CLNK: variants seen among roughly 807,000 people sequenced by gnomAD.
CLNK encodes cytokine dependent hematopoietic cell linker, also known as cytokine-dependent hematopoietic cell linker.
In CLNK, 74 loss-of-function variants were observed where a neutral mutation model predicts 68.6. That is an observed-to-expected ratio of 1.08 (90% confidence interval 0.89 to 1.31). CLNK has a LOEUF of 1.31. Ranked by LOEUF, CLNK falls within the 50% of genes most tolerant of loss-of-function variation. CLNK has a pLI of 0.00. For missense variants in CLNK, 553 were observed against 515.3 expected (o/e 1.07, Z -0.71); for synonymous variants, 198 against 172.2 (o/e 1.15, Z -1.17).
At chr4:10,564,525 A>T (rs188180886) in intron 7 of CLNK, 146 bp downstream of exon 7, 1 of 634,630 alleles carries the variant, frequency 1.6e-6, no homozygotes, top group South Asian at 1.9e-5. Flanking sequence ...CCTACCAGTC[A>T]TAAGAGTCAC....
At chr4:10,719,461 G>C in the CLNK span, among the ~76,000 whole-genome samples, 2 of 151,954 alleles carry the variant, frequency 1.3e-5, no homozygotes, top group African/African-American at 4.8e-5. Context: ...AATTACCAGA[G>C]ATAGAGAGGA....
chr4:10,687,845 A>G (rs1725322788), upstream of CLNK, among the ~76,000 whole-genome samples: 1 of 152,110 alleles, frequency 6.6e-6, no homozygotes, highest in Non-Finnish European at 1.5e-5. Context: ...TCATTGCTTC[A>G]CGAGTTCTTG....
At chr4:10,528,666 T>C (rs553588595) in intron 12 of CLNK, among the ~76,000 whole-genome samples, 1 of 152,320 alleles carries the variant, frequency 6.6e-6, no homozygotes, top group Non-Finnish European at 1.5e-5. Flanking sequence ...AAGTTTGGAA[T>C]AAAAACTGGA....
At chr4:10,729,998 A>C in the CLNK span, among the ~76,000 whole-genome samples, 65 of 152,366 alleles carry the variant, frequency 4.3e-4, no homozygotes, top group Middle Eastern at 0.01. Context: ...ATTTATATGA[A>C]TCAAACCTCT....
intron 2 of CLNK, among the ~76,000 whole-genome samples, chr4:10,652,962 C>T (rs1004591797): frequency 6.6e-6 from 1 of 152,130 alleles, no homozygotes; most frequent in Non-Finnish European, 1.5e-5. Context: ...CAATGATAGA[C>T]TGGATAACGA....
chr4:10,641,355 G>C (rs1560257648), intron 2 of CLNK, among the ~76,000 whole-genome samples: 2 of 152,166 alleles, frequency 1.3e-5, no homozygotes, highest in African/African-American at 4.8e-5. Context: ...CCATCATTGG[G>C]GTTTCTAATA....
chr4:10,731,969 G>A, the CLNK span, among the ~76,000 whole-genome samples: 4 of 152,124 alleles, frequency 2.6e-5, no homozygotes, highest in African/African-American at 9.7e-5. Flanking sequence ...AGTGTTTGCT[G>A]ATTTTCATGT....
chr4:10,494,552 G>A (rs990636782), intron 18 of CLNK, among the ~76,000 whole-genome samples: 2 of 151,110 alleles, frequency 1.3e-5, no homozygotes, highest in African/African-American at 2.4e-5. Flanking sequence ...CTGCCTCCTA[G>A]ATTCAAGCAA....
Position 10,676,992 on chromosome 4 carries a change from T to TG in CLNK, c.-43+7675_-43+7676insC, listed in dbSNP as rs538982186. ...CTGTCTCGCCCCTATTTTTTTTTTT[T>TG]TTGGCTTCCATAAATGATGGCAGAA... is the stretch of plus-strand genomic sequence containing the variant. On this transcript the variant is annotated intron_variant, in intron 1 of 18. Transcript: ENST00000226951. Among the ~76,000 whole-genome samples the TG allele has an allele frequency of 5.0e-3, 754 of 151,802 alleles. 1 individual carries two copies. Among genetic ancestry groups the TG allele is most frequent in the Non-Finnish European group, 8.3e-3 (564 of 67,924 alleles).
intron 1 of CLNK, among the ~76,000 whole-genome samples, chr4:10,680,007 T>C (rs1490600185): frequency 6.4e-4 from 98 of 152,218 alleles, no homozygotes; most frequent in African/African-American, 2.1e-3. Flanking sequence ...CCCAGCCATC[T>C]CATTACTGGA....
At chr4:10,496,827 C>T (rs989968490) in intron 18 of CLNK, among the ~76,000 whole-genome samples, 5 of 152,138 alleles carry the variant, frequency 3.3e-5, no homozygotes, top group Non-Finnish European at 7.3e-5. Flanking sequence ...TTACATAGGG[C>T]GAACACCAAG....
upstream of CLNK, chr4:10,684,833 C>G (rs971906933): frequency 6.6e-6 from 1 of 152,110 alleles, no homozygotes; most frequent in African/African-American, 2.4e-5. Flanking sequence ...CTGATAGGTC[C>G]GTTTTAGACT....
intron 2 of CLNK, among the ~76,000 whole-genome samples, chr4:10,667,391 CT>C (rs1724441103): frequency 1.7e-5 from 1 of 60,138 alleles, no homozygotes; most frequent in Non-Finnish European, 4.1e-5. Flanking sequence ...TTTTTTTTTA[CT>C]ATACTATAGA....
intron 11 of CLNK, among the ~76,000 whole-genome samples, chr4:10,535,801 TTA>T (rs1718738637): frequency 6.6e-6 from 1 of 152,188 alleles, no homozygotes; most frequent in East Asian, 1.9e-4. Context: ...TTTATAATAA[TTA>T]TATGTCTTTC....
chr4:10,623,263 G>A (rs1410920470), intron 2 of CLNK, among the ~76,000 whole-genome samples: 4 of 152,164 alleles, frequency 2.6e-5, no homozygotes, highest in African/African-American at 9.7e-5. Flanking sequence ...CTGTGTTGGA[G>A]AGGGTTGACA....
intron 11 of CLNK, among the ~76,000 whole-genome samples, chr4:10,535,444 T>C (rs914718633): frequency 6.6e-6 from 1 of 152,186 alleles, no homozygotes; most frequent in African/African-American, 2.4e-5. Flanking sequence ...TTGGAGATAG[T>C]AATTTTTTTA....
At chr4:10,632,237 C>T (rs1455110497) in intron 2 of CLNK, among the ~76,000 whole-genome samples, 1 of 152,220 alleles carries the variant, frequency 6.6e-6, no homozygotes, top group East Asian at 1.9e-4. Flanking sequence ...TGGACCAGTT[C>T]ATAACCAATG....
rs1293164863 is a variant in CLNK, at chr4:10,490,555, A to G, written c.1199T>C (p.Ile400Thr). The G allele has an allele frequency of 2.1e-5, 34 of 1,599,696 alleles. No individual in the cohort carries two copies. The highest frequency in any genetic ancestry group is 3.5e-5 in the Admixed American group (2 of 57,862). Reference sequence around the variant, plus strand: ...GACCCCAGTTTTATCTTTCCCATCAATTAGTATAATGGGAAAATTCTTGTA... The same window carrying G: ...GACCCCAGTTTTATCTTTCCCATCAGTTAGTATAATGGGAAAATTCTTGTA... Reference protein sequence around the residue: ...EHYKNFPIILIDGKDKTGVHR... With the variant: ...EHYKNFPIILTDGKDKTGVHR... The change falls in exon 19 of 19, where the codon ATT becomes ACT. Residue 400 changes from isoleucine (I) to threonine (T), a missense_variant. Coordinates refer to ENST00000226951, the MANE Select transcript of CLNK (RefSeq NM_052964.4).
the CLNK span, among the ~76,000 whole-genome samples, chr4:10,729,454 G>C: frequency 1.3e-5 from 2 of 152,034 alleles, no homozygotes; most frequent in Admixed American, 6.5e-5. Context: ...TGAAAAACAG[G>C]CCCTCACTTG....
Sources: allele counts gnomAD v4.1 joint callset (sites outside exome capture counted in the v4.1 genomes callset), GRCh38; gene constraint gnomAD v4.1.1; transcripts MANE v1.5; gene names NCBI Gene and HGNC (gene_info 2026-07-23, HGNC 2026-07-21).